The following LRRC14 variants were observed in gnomAD, a reference collection of about 807,000 sequenced individuals.
LRRC14 encodes the protein leucine rich repeat containing 14, also known as leucine-rich repeat-containing protein 14.
A neutral mutation model predicts 25.3 loss-of-function variants in LRRC14; 16 were observed. The ratio of observed to expected loss-of-function variants is 0.63; its 90% CI spans 0.43 to 0.96. LRRC14 has a LOEUF of 0.96. Among genes scored for constraint, LRRC14 ranks in the 40% least tolerant of loss-of-function variants. The pLI is 0.00. For synonymous variants in LRRC14, 359 were observed against 295.1 expected, an observed-to-expected ratio of 1.22 and a Z score of -2.22; for missense variants, 594 against 660.5, an observed-to-expected ratio of 0.90 and a Z score of 1.10.
chr8:144,522,230 A>AG lies in LRRC14; in HGVS notation c.*755dup, dbSNP rs1464994638. 11 of 456,872 alleles carry AG rather than the reference A, an allele frequency of 2.4e-5. No individual in the cohort carries two copies. Among genetic ancestry groups the AG allele is most frequent in the African/African-American group, 1.8e-4 (8 of 44,806 alleles). 28.3% of individuals were successfully genotyped at this position (456,872 alleles called of 1,614,324 possible). ...CTACTGTGGCCGGCCAGGGCCAGCG[A>AG]GGGACCCCCCCCATGCAGAGCTGGA... On this transcript the variant is annotated 3_prime_UTR_variant, in exon 4 of 4. Transcript: ENST00000292524.
Position 144,520,962 on chromosome 8 carries a change from G to A in LRRC14, c.966G>A (p.Leu322=), listed in dbSNP as rs773627094. 2 of 1,612,884 alleles carry A rather than the reference G, an allele frequency of 1.2e-6. No homozygotes were observed. Among genetic ancestry groups the A allele is most frequent in the African/African-American group, 2.7e-5 (2 of 74,926 alleles). The part of the protein sequence containing the change: ...ESLELAFCAL[L]PEDLRFLARS... ...TGGAGTTGGCCTTCTGTGCTCTGCT[G>A]CCTGAGGACCTACGCTTCCTGGCAC... The change falls in exon 4 of 4, where the codon CTG becomes CTA. Residue 322 remains leucine (L), a synonymous_variant. Transcript: ENST00000292524.
rs1437418475 is a variant in LRRC14 at position 144,525,099 on chromosome 8, T to C, written c.*3621T>C. On this transcript the variant is annotated 3_prime_UTR_variant, in exon 4 of 4. Coordinates refer to ENST00000292524, the MANE Select transcript of LRRC14 (RefSeq NM_014665.4). ...CCAGCCAATAGATGGAATGGAGGCCTGCACCTGCGTCTAACTTTTGACGCT... is the reference window on the plus strand; with the variant it reads ...CCAGCCAATAGATGGAATGGAGGCCCGCACCTGCGTCTAACTTTTGACGCT... The C allele has an allele frequency of 1.1e-5, 12 of 1,070,956 alleles. No homozygotes were observed. The highest frequency in any genetic ancestry group is 1.2e-5 in the Non-Finnish European group (10 of 812,804). 66.3% of individuals were successfully genotyped at this position (1,070,956 alleles called of 1,614,324 possible).
At chr8:144,518,411 G>A (rs1261081530) in intron 1 of LRRC14, 1 of 152,308 alleles carries the variant, frequency 6.6e-6, no homozygotes, top group Non-Finnish European at 1.5e-5. Context: ...CGCGTTCCCT[G>A]CGGCCGGCGG....
chr8:144,522,527 G>C lies in LRRC14; in HGVS notation c.*1049G>C, dbSNP rs755754373. 7 of 1,512,564 alleles carry C rather than the reference G, an allele frequency of 4.6e-6. No individual in the cohort carries two copies. The highest frequency in any genetic ancestry group is 5.3e-6 in the Non-Finnish European group (6 of 1,132,916). The allele number at this position is 1,512,564 out of a possible 1,614,324, so 93.7% of individuals were successfully genotyped here. A position where few individuals can be genotyped will look rare whatever the true frequency, so the allele number is the denominator to read the frequency against. On this transcript the variant is annotated 3_prime_UTR_variant, in exon 4 of 4. Transcript: ENST00000292524. Reference sequence around the variant, plus strand: ...CGGGGGCACGCGGAGTCCCGGCCCCGCCCCCTGTTCCGGGCCGCAGTCAGC... The same window carrying C: ...CGGGGGCACGCGGAGTCCCGGCCCCCCCCCCTGTTCCGGGCCGCAGTCAGC...
Position 144,524,969 on chromosome 8 carries a change from G to A in LRRC14, c.*3491G>A, listed in dbSNP as rs750422855. 7 of 1,464,312 alleles carry A rather than the reference G, an allele frequency of 4.8e-6. No individual in the cohort carries two copies. The highest frequency in any genetic ancestry group is 5.4e-6 in the Non-Finnish European group (6 of 1,109,030). The allele number at this position is 1,464,312 out of a possible 1,614,324, so 90.7% of individuals were successfully genotyped here. A position where few individuals can be genotyped will look rare whatever the true frequency, so the allele number is the denominator to read the frequency against. On this transcript the variant is annotated 3_prime_UTR_variant, in exon 4 of 4. Transcript: ENST00000292524. ...GCGGCAGCAGTGCGGGGGCCCTCAGGGCCATCTCCCGAGGCCCGGTTCCTC... is the reference window on the plus strand; with the variant it reads ...GCGGCAGCAGTGCGGGGGCCCTCAGAGCCATCTCCCGAGGCCCGGTTCCTC...
At position 144,520,368 on chromosome 8, in the gene LRRC14, G is replaced by A. The variant is rs753503228; in HGVS notation, c.460G>A (p.Gly154Arg). Residue 154 changes from glycine (G) to arginine (R), a missense_variant, in exon 3 of 4, where the codon GGG (glycine) becomes AGG (arginine). Transcript: ENST00000292524. Reference protein sequence around the residue: ...ARTCIAQQQGGAAEPGPAPIP... With the variant: ...ARTCIAQQQGRAAEPGPAPIP... Reference sequence around the variant, plus strand: ...CACATGCATTGCCCAGCAGCAGGGTGGGGCCGCAGAGCCTGGGCCAGCCCC... The same window carrying A: ...CACATGCATTGCCCAGCAGCAGGGTAGGGCCGCAGAGCCTGGGCCAGCCCC... 2 of 1,610,930 alleles carry A rather than the reference G, an allele frequency of 1.2e-6. No individual in the cohort carries two copies. Among genetic ancestry groups the A allele is most frequent in the South Asian group, 2.2e-5 (2 of 91,046 alleles).
chr8:144,520,730 C>G lies in LRRC14; in HGVS notation c.822C>G (p.Arg274=). Residue 274 remains arginine, a synonymous_variant, in exon 3 of 4, where the codon CGC becomes CGG. Transcript: ENST00000292524. The part of the protein sequence containing the change: ...QPSVDGEDNF[R]YFLAQMGRFT... ...CCGTGGATGGCGAGGACAACTTCCG[C>G]TACTTCCTTGCCCAGATGGGCCGCT... is the stretch of plus-strand genomic sequence containing the variant. 6.3e-7 allele frequency: 1 copy of G among 1,599,072 alleles called. No homozygotes were observed. The highest frequency in any genetic ancestry group is 8.5e-7 in the Non-Finnish European group (1 of 1,179,948).
In LRRC14 at chr8:144,519,890, C is replaced by G. The variant is rs185555518; in HGVS notation, c.165C>G (p.Pro55=). 688 of 1,613,470 alleles carry G rather than the reference C, an allele frequency of 4.3e-4. 7 individuals are homozygous for G. The highest frequency in any genetic ancestry group is 2.7e-5 in the Non-Finnish European group (32 of 1,180,038). The change falls in exon 2 of 4, where the codon CCC becomes CCG. Residue 55 remains proline, a synonymous_variant. Coordinates refer to ENST00000292524, the MANE Select transcript of LRRC14 (RefSeq NM_014665.4). ...VVLRELVHTW[P]FPLLSFQQLL... ...TGCGCGAGTTGGTACACACGTGGCC[C>G]TTCCCGCTGCTCAGTTTCCAGCAGC...
rs1324899000 is a variant in LRRC14 at position 144,519,922 on chromosome 8, A to T, written c.197A>T (p.Gln66Leu). 6.2e-7 allele frequency: 1 copy of T among 1,613,256 alleles called. No individual in the cohort carries two copies. The highest frequency in any genetic ancestry group is 8.5e-7 in the Non-Finnish European group (1 of 1,180,034). ...FPLLSFQQLL[Q>L]ECAHCSRALL... is the part of the protein sequence containing the mutation. Reference sequence around the variant, plus strand: ...CTGCTCAGTTTCCAGCAGCTGCTACAGGAGTGTGCCCACTGCAGCCGTGCC... The same window carrying T: ...CTGCTCAGTTTCCAGCAGCTGCTACTGGAGTGTGCCCACTGCAGCCGTGCC... The change falls in exon 2 of 4, where the codon CAG (glutamine) becomes CTG (leucine). Residue 66 changes from glutamine to leucine, a missense_variant. Physicochemically the swap from Gln to Leu is moderately radical, Grantham distance 113. Transcript: ENST00000292524.
At position 144,525,112 on chromosome 8, in the gene LRRC14, A is replaced by T. The variant is rs1748020428; in HGVS notation, c.*3634A>T. ...GGAATGGAGGCCTGCACCTGCGTCT[A>T]ACTTTTGACGCTATAAATAGGTTCA... On this transcript the variant is annotated 3_prime_UTR_variant, in exon 4 of 4. Coordinates refer to ENST00000292524, the MANE Select transcript of LRRC14 (RefSeq NM_014665.4). The T allele has an allele frequency of 2.1e-6, 2 of 932,126 alleles. No homozygotes were observed. The highest frequency in any genetic ancestry group is 2.9e-6 in the Non-Finnish European group (2 of 686,802). 57.7% of individuals were successfully genotyped at this position (932,126 alleles called of 1,614,324 possible). A position where few individuals can be genotyped will look rare whatever the true frequency, so the allele number is the denominator to read the frequency against.
Position 144,524,570 on chromosome 8 carries a change from C to T in LRRC14, c.*3092C>T, listed in dbSNP as rs754377715. 1 of 1,557,776 alleles carries T rather than the reference C, an allele frequency of 6.4e-7. No homozygotes were observed. Among genetic ancestry groups the T allele is most frequent in the Admixed American group, 1.9e-5 (1 of 52,160 alleles). ...CGCGCAGCCGGTTGCTAGTGAGCGC[C>T]AGCTCCAGCAGGCGCGGCTGCGCGC... On this transcript the variant is annotated 3_prime_UTR_variant, in exon 4 of 4. Transcript: ENST00000292524.
Position 144,522,538 on chromosome 8 carries a change from C to G in LRRC14, c.*1060C>G. The G allele has an allele frequency of 3.3e-6, 5 of 1,524,088 alleles. No homozygotes were observed. Among genetic ancestry groups the G allele is most frequent in the Non-Finnish European group, 4.4e-6 (5 of 1,137,668 alleles). The allele number at this position is 1,524,088 out of a possible 1,614,324, so 94.4% of individuals were successfully genotyped here. A position where few individuals can be genotyped will look rare whatever the true frequency, so the allele number is the denominator to read the frequency against. ...GGAGTCCCGGCCCCGCCCCCTGTTC[C>G]GGGCCGCAGTCAGCGGGCGCCTCCG... On this transcript the variant is annotated 3_prime_UTR_variant, in exon 4 of 4. Transcript: ENST00000292524.
At position 144,522,226 on chromosome 8, in the gene LRRC14, A is replaced by G; in HGVS notation, c.*748A>G. 1 of 451,190 alleles carries G rather than the reference A, an allele frequency of 2.2e-6. No homozygotes were observed. Among genetic ancestry groups the G allele is most frequent in the Non-Finnish European group, 3.6e-6 (1 of 279,466 alleles). 27.9% of individuals were successfully genotyped at this position (451,190 alleles called of 1,614,324 possible). A position where few individuals can be genotyped will look rare whatever the true frequency, so the allele number is the denominator to read the frequency against. On this transcript the variant is annotated 3_prime_UTR_variant, in exon 4 of 4. Coordinates refer to ENST00000292524, the MANE Select transcript of LRRC14 (RefSeq NM_014665.4). ...GATCCTACTGTGGCCGGCCAGGGCC[A>G]GCGAGGGACCCCCCCCATGCAGAGC...
Position 144,522,450 on chromosome 8 carries a change from C to G in LRRC14, c.*972C>G. 7.2e-7 allele frequency: 1 copy of G among 1,396,016 alleles called. No individual in the cohort carries two copies. Among genetic ancestry groups the G allele is most frequent in the Non-Finnish European group, 9.2e-7 (1 of 1,083,974 alleles). The allele number at this position is 1,396,016 out of a possible 1,614,324, so 86.5% of individuals were successfully genotyped here. A position where few individuals can be genotyped will look rare whatever the true frequency, so the allele number is the denominator to read the frequency against. On this transcript the variant is annotated 3_prime_UTR_variant, in exon 4 of 4. Transcript: ENST00000292524. ...GGCCGCACCGGCCAATCTCCGGCGCCCACGTCATCCGCGCGCCCGCGGCCC... is the reference window on the plus strand; with the variant it reads ...GGCCGCACCGGCCAATCTCCGGCGCGCACGTCATCCGCGCGCCCGCGGCCC...
At position 144,524,521 on chromosome 8, in the gene LRRC14, C is replaced by A. The variant is rs774474581; in HGVS notation, c.*3043C>A. The A allele has an allele frequency of 1.3e-6, 2 of 1,593,048 alleles. No individual in the cohort carries two copies. The highest frequency in any genetic ancestry group is 2.2e-5 in the South Asian group (2 of 90,484). ...TAGAGCACGCGCAGCTGGGCCAGGC[C>A]TACGAAGGCGCCGCTGCGCAAGCCG... On this transcript the variant is annotated 3_prime_UTR_variant, in exon 4 of 4. Coordinates refer to ENST00000292524, the MANE Select transcript of LRRC14 (RefSeq NM_014665.4).
At chr8:144,519,442 T>A in intron 1 of LRRC14, 173 bp from the exon 2 acceptor site, 1 of 532,584 alleles carries the variant, frequency 1.9e-6, no homozygotes, top group East Asian at 3.1e-5. Context: ...AGCGAGTTGT[T>A]GACGATGCCA....
chr8:144,518,520 G>C (rs1399571811), intron 1 of LRRC14: 1 of 152,304 alleles, frequency 6.6e-6, no homozygotes, highest in Non-Finnish European at 1.5e-5. Flanking sequence ...GGTCTGTCCT[G>C]TCAGAGCGAG....
At position 144,524,940 on chromosome 8, in the gene LRRC14, A is replaced by G. The variant is rs1564825882; in HGVS notation, c.*3462A>G. On this transcript the variant is annotated 3_prime_UTR_variant, in exon 4 of 4. Transcript: ENST00000292524. The stretch of plus-strand genomic sequence containing the variant: ...GGCGCGGAGCGGCAGTAGTAGCAGC[A>G]GCAGCGGCAGCAGTGCGGGGGCCCT... 2.0e-6 allele frequency: 3 copies of G among 1,506,406 alleles called. No homozygotes were observed. Among genetic ancestry groups the G allele is most frequent in the South Asian group, 2.4e-5 (2 of 81,874 alleles). 93.3% of individuals were successfully genotyped at this position (1,506,406 alleles called of 1,614,324 possible).
intron 1 of LRRC14, among the ~76,000 whole-genome samples, chr8:144,518,993 AG>A (rs1454611513): frequency 6.6e-6 from 1 of 152,224 alleles, no homozygotes; most frequent in African/African-American, 2.4e-5. Flanking sequence ...GCCAGTGGTA[AG>A]GGCCAACAAA....
Sources: gnomAD v4.1 joint callset for allele counts (sites outside exome capture counted in the v4.1 genomes callset) on GRCh38, gnomAD v4.1.1 for gene constraint, MANE v1.5 for transcripts, NCBI Gene and HGNC (gene_info 2026-07-23, HGNC 2026-07-21) for gene names.